CCDC171: variants seen among roughly 807,000 people sequenced by gnomAD.
The protein encoded by CCDC171 is coiled-coil domain-containing protein 171.
CCDC171 carries 177 observed loss-of-function variants against 168.2 expected under a neutral mutation model. The observed-to-expected ratio is 1.05, with a 90% CI of 0.93 to 1.19. CCDC171 has a LOEUF of 1.19. Ranked by LOEUF, CCDC171 falls within the 50% of genes most tolerant of loss-of-function variation. The pLI is 0.00. For missense variants in CCDC171, 1,991 were observed against 1,539.0 expected (o/e 1.29, Z -4.91); for synonymous variants, 687 against 540.8 (o/e 1.27, Z -3.75).
chr9:15,612,657 G>T (rs2043786349), intron 6 of CCDC171, among the ~76,000 whole-genome samples: 2 of 151,916 alleles, frequency 1.3e-5, no homozygotes, highest in African/African-American at 2.4e-5. Context: ...TTTCTTGGTT[G>T]GGCACATTGC....
intron 25 of CCDC171, among the ~76,000 whole-genome samples, chr9:15,936,039 A>G (rs1827074327): frequency 6.6e-6 from 1 of 152,086 alleles, no homozygotes; most frequent in African/African-American, 2.4e-5. Context: ...TAGTTACTTG[A>G]TAAGATGTGA....
intron 6 of CCDC171, among the ~76,000 whole-genome samples, chr9:15,610,054 G>T (rs1188429635): frequency 1.3e-5 from 2 of 150,990 alleles, no homozygotes; most frequent in Admixed American, 6.6e-5. Context: ...TCATCTTTTG[G>T]GTTTTTAATT....
chr9:15,553,243 A>T lies in CCDC171; in HGVS notation c.-171A>T, dbSNP rs2038481903. The T allele has an allele frequency of 6.6e-6, 1 of 152,356 alleles. No homozygotes were observed. The highest frequency in any genetic ancestry group is 2.4e-5 in the African/African-American group (1 of 41,334). 9.4% of individuals were successfully genotyped at this position (152,356 alleles called of 1,614,324 possible). On this transcript the variant is annotated 5_prime_UTR_variant, in exon 1 of 26. Coordinates refer to ENST00000380701, the MANE Select transcript of CCDC171 (RefSeq NM_173550.4). ...CTGCCTGGGCCTCCTTTCACCCGTG[A>T]GACTTGGAGCGGCCCCTGGGGTCTT... is the stretch of plus-strand genomic sequence containing the variant.
chr9:15,906,255 A>G (rs560480805), intron 24 of CCDC171, among the ~76,000 whole-genome samples: 1 of 152,344 alleles, frequency 6.6e-6, no homozygotes, highest in African/African-American at 2.4e-5. Flanking sequence ...CTTGATGAAC[A>G]TCGATGCAAA....
chr9:15,610,959 C>T (rs2043640766), intron 6 of CCDC171, among the ~76,000 whole-genome samples: 2 of 152,106 alleles, frequency 1.3e-5, no homozygotes, highest in South Asian at 4.1e-4. Flanking sequence ...GCCCAAATCT[C>T]ATATTGAAAT....
intron 23 of CCDC171, among the ~76,000 whole-genome samples, chr9:15,871,908 T>G (rs920733478): frequency 5.9e-5 from 9 of 152,010 alleles, no homozygotes; most frequent in African/African-American, 2.2e-4. Context: ...TTCACTCCCT[T>G]TACTCATTAA....
At chr9:15,951,437 T>G (rs1829157901) in intron 25 of CCDC171, among the ~76,000 whole-genome samples, 2 of 152,304 alleles carry the variant, frequency 1.3e-5, no homozygotes, top group African/African-American at 4.8e-5. Flanking sequence ...CTATTTTACA[T>G]TTCCACCAAC....
chr9:15,849,544 T>C (rs1382205878), intron 23 of CCDC171, among the ~76,000 whole-genome samples: 2 of 151,688 alleles, frequency 1.3e-5, no homozygotes, highest in African/African-American at 4.8e-5. Flanking sequence ...ATTATGATAC[T>C]AGTAAAAACA....
At chr9:16,065,809 G>GGTGT (rs113107786), downstream of CCDC171, among the ~76,000 whole-genome samples, 4,641 of 144,272 alleles carry the variant, frequency 0.032, 146 homozygotes, top group African/African-American at 0.087. Context: ...TTGTGTGCAT[G>GGTGT]GTGTGTGTGT....
intron 11 of CCDC171, among the ~76,000 whole-genome samples, chr9:15,700,526 G>A (rs898626909): frequency 5.3e-5 from 8 of 152,370 alleles, no homozygotes; most frequent in South Asian, 2.1e-4. Flanking sequence ...CTTAAGTGCC[G>A]CCAAGGTTCG....
At chr9:15,638,385 C>A (rs530306149) in intron 7 of CCDC171, among the ~76,000 whole-genome samples, 1 of 152,098 alleles carries the variant, frequency 6.6e-6, no homozygotes, top group South Asian at 2.1e-4. Flanking sequence ...TAGTTTTACA[C>A]TCAATTGCGG....
chr9:15,759,110 C>T (rs910316541), intron 18 of CCDC171, among the ~76,000 whole-genome samples: 1 of 152,102 alleles, frequency 6.6e-6, no homozygotes. Flanking sequence ...CGTCTCCCTC[C>T]CTCCCTCTCT....
chr9:16,042,737 A>G (rs1833592466), upstream of CCDC171: 1 of 152,276 alleles, frequency 6.6e-6, no homozygotes, highest in East Asian at 1.9e-4. Context: ...GGAACAAAAG[A>G]GAGACTCTAA....
the CCDC171 span, among the ~76,000 whole-genome samples, chr9:16,106,475 C>T: frequency 2.0e-5 from 3 of 152,154 alleles, no homozygotes; most frequent in Non-Finnish European, 4.4e-5. Context: ...AATTCCGGAG[C>T]TAAAGGCAGC....
chr9:15,607,842 T>A (rs1169767896), intron 6 of CCDC171, among the ~76,000 whole-genome samples: 1 of 152,232 alleles, frequency 6.6e-6, no homozygotes, highest in African/African-American at 2.4e-5. Flanking sequence ...ATATTTTATC[T>A]TGTGCGTGTG....
intron 16 of CCDC171, among the ~76,000 whole-genome samples, chr9:15,740,353 A>G (rs2054785596): frequency 6.7e-6 from 1 of 149,728 alleles, no homozygotes; most frequent in African/African-American, 2.5e-5. Flanking sequence ...TTGTGCTTAG[A>G]TCTGTTTCTA....
chr9:15,635,239 C>T (rs145693229), intron 7 of CCDC171, among the ~76,000 whole-genome samples: 35 of 152,294 alleles, frequency 2.3e-4, no homozygotes, highest in Admixed American at 7.2e-4. Context: ...GATAAGCCAG[C>T]AGTGCAGCCT....
chr9:16,056,041 C>G (rs971224606), intron 1 of CCDC171, among the ~76,000 whole-genome samples: 2 of 152,144 alleles, frequency 1.3e-5, no homozygotes, highest in Non-Finnish European at 2.9e-5. Flanking sequence ...TAAAGCTTAG[C>G]AGACTATAAC....
chr9:15,650,354 A>G (rs146689942), intron 7 of CCDC171, among the ~76,000 whole-genome samples: 246 of 152,286 alleles, frequency 1.6e-3, no homozygotes, highest in African/African-American at 5.7e-3. Flanking sequence ...CATATGTAAC[A>G]AACCTTCACG....
Sources: allele counts gnomAD v4.1 joint callset (sites outside exome capture counted in the v4.1 genomes callset), GRCh38; gene constraint gnomAD v4.1.1; transcripts MANE v1.5; gene names NCBI Gene and HGNC (gene_info 2026-07-23, HGNC 2026-07-21).